The following WDR64 variants were observed in gnomAD, a reference collection of about 807,000 sequenced individuals.
The protein encoded by WDR64 is WD repeat-containing protein 64.
WDR64 carries 112 observed loss-of-function variants against 139.3 expected under a neutral mutation model. The observed-to-expected ratio is 0.80, with a 90% CI of 0.69 to 0.94. The LOEUF (loss-of-function observed/expected upper bound fraction) is 0.94. Among genes scored for constraint, WDR64 ranks in the 40% least tolerant of loss-of-function variants. The probability of loss-of-function intolerance (pLI) is 0.00; values close to 1 mark genes in which losing one functional copy is unlikely to be tolerated. For missense variants in WDR64, 1,206 were observed against 1,293.1 expected (o/e 0.93, Z 1.03); for synonymous variants, 444 against 437.7 (o/e 1.01, Z -0.18).
At chr1:241,741,773 G>A (rs1456894536) in intron 12 of WDR64, 109 bp downstream of exon 12, 3 of 1,140,488 alleles carry the variant, frequency 2.6e-6, no homozygotes, top group East Asian at 5.4e-5. Flanking sequence ...CACATACGAT[G>A]AGACCATACA....
chr1:241,692,031 A>T (rs7417418), intron 8 of WDR64, among the ~76,000 whole-genome samples: 13,957 of 151,750 alleles, frequency 0.092, 734 homozygotes, highest in East Asian at 0.22. Context: ...AAAAAAATAA[A>T]AAAAAAAAAA....
At chr1:241,739,103 G>A (rs1171990970) in intron 11 of WDR64, among the ~76,000 whole-genome samples, 1 of 152,194 alleles carries the variant, frequency 6.6e-6, no homozygotes, top group Non-Finnish European at 1.5e-5. Flanking sequence ...GCCTCTCGAC[G>A]AAGACCAATG....
rs995885209 is a variant in WDR64, at chr1:241,683,500, T to G, written c.638T>G (p.Val213Gly). The G allele has an allele frequency of 6.4e-7, 1 of 1,551,572 alleles. No individual in the cohort carries two copies. Among genetic ancestry groups the G allele is most frequent in the East Asian group, 2.4e-5 (1 of 40,926 alleles). The part of the protein sequence containing the change: ...AQGSSQENYF[V>G]IKPMDHCLLC... ...TTCTGTTTCTAGGAAAATTATTTTG[T>G]CATAAAACCAATGGATCACTGCCTC... The change falls in exon 7 of 28, where the codon GTC becomes GGC. Residue 213 changes from valine (V) to glycine (G), a missense_variant. Coordinates refer to ENST00000437684, the MANE Select transcript of WDR64 (RefSeq NM_001367482.1).
intron 3 of WDR64, among the ~76,000 whole-genome samples, chr1:241,671,649 G>C (rs1222048543): frequency 6.6e-6 from 1 of 152,154 alleles, no homozygotes. Flanking sequence ...GATGGGCACT[G>C]TCCCAGTCTG....
At chr1:241,670,045 CT>C (rs1168315046) in intron 2 of WDR64, among the ~76,000 whole-genome samples, 1 of 152,064 alleles carries the variant, frequency 6.6e-6, no homozygotes, top group Non-Finnish European at 1.5e-5. Context: ...AATTATATAA[CT>C]TTTATAAGCA....
chr1:241,662,010 C>T lies in WDR64; in HGVS notation c.276+1350C>T, dbSNP rs1665852338. Among the ~76,000 whole-genome samples the T allele has an allele frequency of 3.3e-5, 5 of 152,258 alleles. No homozygotes were observed. The South Asian group carries it at 8.3e-4, about 25-fold the overall frequency. The stretch of plus-strand genomic sequence containing the variant: ...CCTAGCCCTTTTCGAAAAATGTTTG[C>T]AGACTTCCAACCTTAAAGTAAAATT... On this transcript the variant is annotated intron_variant, in intron 2 of 27. Coordinates refer to ENST00000437684, the MANE Select transcript of WDR64 (RefSeq NM_001367482.1).
In WDR64 at chr1:241,726,044, C is replaced by CT. The variant is rs946665874; in HGVS notation, c.1194+2621dup. Among the ~76,000 whole-genome samples the CT allele has an allele frequency of 9.0e-4, 106 of 117,396 alleles. 1 individual carries two copies. The highest frequency in any genetic ancestry group is 1.2e-3 in the Non-Finnish European group (62 of 52,006). The allele number at this position is 117,396 out of a possible 152,430, so 77.0% of individuals were successfully genotyped here. Reference sequence around the variant, plus strand: ...ATTTTTATTTTTTGTAGAGAGCTCTCTTTTTTTTTTTTTAGGTCTGTCTAA... The same window carrying CT: ...ATTTTTATTTTTTGTAGAGAGCTCTCTTTTTTTTTTTTTTAGGTCTGTCTAA... On this transcript the variant is annotated intron_variant, in intron 10 of 27. Transcript: ENST00000437684.
At chr1:241,711,153 C>G (rs755632701) in intron 8 of WDR64, among the ~76,000 whole-genome samples, 8 of 151,368 alleles carry the variant, frequency 5.3e-5, no homozygotes, top group Non-Finnish European at 1.0e-4. Flanking sequence ...AGGAAAATTG[C>G]TTGAACCTGG....
intron 2 of WDR64, among the ~76,000 whole-genome samples, chr1:241,670,278 G>A (rs1242937552): frequency 6.6e-6 from 1 of 151,518 alleles, no homozygotes; most frequent in East Asian, 1.9e-4. Context: ...CTACAGAGTA[G>A]GATTTGGAAC....
At chr1:241,795,114 C>T (rs577686158) in intron 25 of WDR64, 93 bp from the exon 26 acceptor site, 11 of 1,048,768 alleles carry the variant, frequency 1.0e-5, no homozygotes, top group African/African-American at 1.6e-5. Context: ...GATCACACAT[C>T]TAATAAGTGA....
At chr1:241,799,109 T>C (rs558859991) in intron 27 of WDR64, among the ~76,000 whole-genome samples, 8 of 143,974 alleles carry the variant, frequency 5.6e-5, no homozygotes, top group African/African-American at 1.8e-4. Context: ...CTCATGCCTG[T>C]AATCCCAGCA....
At chr1:241,787,805 A>C (rs12021981) in intron 23 of WDR64, 44 bp from the exon 24 acceptor site, 66,088 of 1,518,030 alleles carry the variant, frequency 0.044, 2,619 homozygotes, top group East Asian at 0.24. Context: ...ACTTTGACCA[A>C]ATTTTCCAGT....
At chr1:241,675,684 G>C (rs1486788475) in intron 4 of WDR64, among the ~76,000 whole-genome samples, 1 of 152,178 alleles carries the variant, frequency 6.6e-6, no homozygotes, top group African/African-American at 2.4e-5. Context: ...CATTAAGTAG[G>C]GAGCTTAGTG....
chr1:241,787,735 A>G (rs1370409685), intron 23 of WDR64, 114 bp from the exon 24 acceptor site: 1 of 864,492 alleles, frequency 1.2e-6, no homozygotes, highest in Non-Finnish European at 1.7e-6. Context: ...CTTGAACCCA[A>G]GTAAAAAAAT....
In WDR64 at chr1:241,674,733, G is replaced by A. The variant is rs368459152; in HGVS notation, c.469G>A (p.Val157Ile). The A allele has an allele frequency of 1.3e-6, 2 of 1,542,144 alleles. No homozygotes were observed. Among genetic ancestry groups the A allele is most frequent in the South Asian group, 1.2e-5 (1 of 83,470 alleles). The change falls in exon 4 of 28, where the codon GTT (valine) becomes ATT (isoleucine). Residue 157 changes from valine (V) to isoleucine (I), a missense_variant. By Grantham distance (29) the Val-to-Ile change is conservative (BLOSUM62 3). Transcript: ENST00000437684. ...ITATQKGLIT[V>I]FNNQMRVQTS... is the part of the protein sequence containing the mutation. ...AGCTACTCAGAAAGGATTAATAACA[G>A]TTTTTAATAACCAGGTAATTTCTTT...
In WDR64 at chr1:241,778,138, C is replaced by G. The variant is rs1658728332; in HGVS notation, c.2537-1866C>G. On this transcript the variant is annotated intron_variant, in intron 21 of 27. Transcript: ENST00000437684. ...AAGTCTATAACTATAATAATGGATT[C>G]ATCTATTTCAACTTGCTGTCCTATA... is the stretch of plus-strand genomic sequence containing the variant. 2.0e-5 allele frequency among the ~76,000 whole-genome samples: 3 copies of G among 152,110 alleles called. No homozygotes were observed. The South Asian group carries it at 6.2e-4, about 32-fold the overall frequency.
At chr1:241,706,532 AT>A (rs1450529980) in intron 8 of WDR64, among the ~76,000 whole-genome samples, 1 of 152,242 alleles carries the variant, frequency 6.6e-6, no homozygotes, top group Non-Finnish European at 1.5e-5. Flanking sequence ...ACATTTAAGC[AT>A]TTTCAAAAGC....
At position 241,794,729 on chromosome 1, in the gene WDR64, A is replaced by G. The variant is rs6429316; in HGVS notation, c.2998-478A>G. On this transcript the variant is annotated intron_variant, in intron 25 of 27. Transcript: ENST00000437684. ...TCACCATGTTGGCCAGGATGGTCTC[A>G]ATCTTTTGACCTCGTGATCTGCCCG... 9.8e-3 allele frequency among the ~76,000 whole-genome samples: 1,483 copies of G among 151,934 alleles called. 19 individuals carry two copies. The highest frequency in any genetic ancestry group is 0.034 in the African/African-American group (1,414 of 41,454).
intron 4 of WDR64, among the ~76,000 whole-genome samples, chr1:241,677,529 G>A (rs1666602566): frequency 6.6e-6 from 1 of 152,214 alleles, no homozygotes; most frequent in Admixed American, 6.5e-5. Flanking sequence ...CAAGGTCAGT[G>A]AAATACTTCA....
Sources: allele counts gnomAD v4.1 joint callset (sites outside exome capture counted in the v4.1 genomes callset), GRCh38; gene constraint gnomAD v4.1.1; transcripts MANE v1.5; gene names NCBI Gene and HGNC (gene_info 2026-07-23, HGNC 2026-07-21).